The following CDK14 variants were observed in gnomAD, a reference collection of about 807,000 sequenced individuals.
CDK14 encodes the protein cyclin-dependent kinase 14.
CDK14 carries 34 observed loss-of-function variants against 60.7 expected under a neutral mutation model. That is an observed-to-expected ratio of 0.56 (90% CI 0.43 to 0.75). CDK14 has a LOEUF of 0.75. CDK14 is among the 30% of genes least tolerant of loss of function. The probability of loss-of-function intolerance (pLI) is 0.00; values close to 1 mark genes in which losing one functional copy is unlikely to be tolerated. For synonymous variants in CDK14, 197 were observed against 203.7 expected, an observed-to-expected ratio of 0.97 and a Z score of 0.28; for missense variants, 482 against 564.1, an observed-to-expected ratio of 0.85 and a Z score of 1.47.
chr7:91,157,878 C>A (rs2724356), intron 14 of CDK14, among the ~76,000 whole-genome samples: 135,425 of 152,000 alleles, frequency 0.89, 60,484 homozygotes, highest in East Asian at 0.96. Flanking sequence ...CATCCAGTGC[C>A]GAGTCCCACT....
intron 2 of CDK14, among the ~76,000 whole-genome samples, chr7:90,667,492 A>G (rs1801006799): frequency 6.6e-6 from 1 of 151,814 alleles, no homozygotes; most frequent in Non-Finnish European, 1.5e-5. Context: ...CCTCTTCTGG[A>G]CACTATGTGG....
intron 2 of CDK14, among the ~76,000 whole-genome samples, chr7:90,637,291 TACAC>T (rs1800177225): frequency 6.6e-6 from 1 of 151,848 alleles, no homozygotes; most frequent in African/African-American, 2.4e-5. Context: ...AATTTCCCTC[TACAC>T]ACTGCTTTGA....
chr7:90,857,734 A>G (rs976656870), intron 5 of CDK14, among the ~76,000 whole-genome samples: 1 of 152,188 alleles, frequency 6.6e-6, no homozygotes, highest in Non-Finnish European at 1.5e-5. Context: ...TGGCTCTAGA[A>G]CTTGTAGGTG....
chr7:90,792,970 G>A (rs1481736264), intron 5 of CDK14, among the ~76,000 whole-genome samples: 1 of 152,178 alleles, frequency 6.6e-6, no homozygotes, highest in Non-Finnish European at 1.5e-5. Context: ...CCATTTCAGA[G>A]AGAGTTTCTT....
chr7:90,997,292 C>T (rs1795714269), intron 10 of CDK14, among the ~76,000 whole-genome samples: 1 of 152,140 alleles, frequency 6.6e-6, no homozygotes, highest in Admixed American at 6.5e-5. Context: ...CCTGACATGG[C>T]TTAGATATTG....
intron 2 of CDK14, among the ~76,000 whole-genome samples, chr7:90,693,000 ATG>A (rs1801586645): frequency 6.6e-6 from 1 of 151,814 alleles, no homozygotes; most frequent in African/African-American, 2.4e-5. Context: ...AGCTTGTGGG[ATG>A]TACTAGGAAA....
Position 90,903,283 on chromosome 7 carries a change from T to C in CDK14, c.702+3930T>C, listed in dbSNP as rs550919996. 1.1e-3 allele frequency among the ~76,000 whole-genome samples: 162 copies of C among 152,120 alleles called. 1 individual carries two copies. Among genetic ancestry groups the C allele is most frequent in the Non-Finnish European group, 1.9e-3 (132 of 68,012 alleles). ...CACCACCATGTTCATTGAAGCACTA[T>C]TCACAATAGCAAAGATATGGAATCA... On this transcript the variant is annotated intron_variant, in intron 7 of 14. Coordinates refer to ENST00000380050, the MANE Select transcript of CDK14 (RefSeq NM_001287135.2).
At chr7:90,601,523 C>G (rs1799312363) in intron 1 of CDK14, among the ~76,000 whole-genome samples, 1 of 152,186 alleles carries the variant, frequency 6.6e-6, no homozygotes, top group South Asian at 2.1e-4. Flanking sequence ...GATAATCTGG[C>G]TTCCTGTTCA....
chr7:90,891,724 C>A (rs1292817513), intron 6 of CDK14, among the ~76,000 whole-genome samples: 1 of 152,194 alleles, frequency 6.6e-6, no homozygotes, highest in East Asian at 1.9e-4. Context: ...ATGCTATTTT[C>A]AATGTCACAT....
At chr7:91,201,539 A>AG (rs1194306627) in intron 14 of CDK14, among the ~76,000 whole-genome samples, 1 of 152,082 alleles carries the variant, frequency 6.6e-6, no homozygotes, top group Non-Finnish European at 1.5e-5. Context: ...GAAAAAAAAA[A>AG]AACAACAAAA....
rs1791064092 is a variant in CDK14 at position 90,863,212 on chromosome 7, G to T, written c.582G>T (p.Val194=). The change falls in exon 6 of 15, where the codon GTG becomes GTT. Residue 194 remains valine, a synonymous_variant. Coordinates refer to ENST00000380050, the MANE Select transcript of CDK14 (RefSeq NM_001287135.2). ...LLKGLKHANI[V]LLHDIIHTKE... ...AAGGACTAAAACATGCTAACATAGTGCTACTTCATGACATCATCCATACCA... is the reference window on the plus strand; with the variant it reads ...AAGGACTAAAACATGCTAACATAGTTCTACTTCATGACATCATCCATACCA... The T allele has an allele frequency of 1.9e-6, 3 of 1,609,954 alleles. No individual in the cohort carries two copies. The highest frequency in any genetic ancestry group is 2.5e-6 in the Non-Finnish European group (3 of 1,177,052).
intron 4 of CDK14, among the ~76,000 whole-genome samples, chr7:90,773,838 T>G (rs1489071048): frequency 7.1e-6 from 1 of 141,462 alleles, no homozygotes; most frequent in Non-Finnish European, 1.5e-5. Context: ...ATAGGTCTTC[T>G]CTTCCCTCCT....
At chr7:91,128,445 A>G (rs1441929904) in intron 14 of CDK14, among the ~76,000 whole-genome samples, 1 of 152,198 alleles carries the variant, frequency 6.6e-6, no homozygotes, top group Non-Finnish European at 1.5e-5. Context: ...TGTGTGGTCC[A>G]GAAGCTGGCC....
At chr7:90,889,260 A>T (rs1792042457) in intron 6 of CDK14, among the ~76,000 whole-genome samples, 1 of 152,238 alleles carries the variant, frequency 6.6e-6, no homozygotes. Flanking sequence ...CTTTTATCAG[A>T]GAAGAATAGT....
chr7:90,773,691 T>C (rs145302956), intron 4 of CDK14, among the ~76,000 whole-genome samples: 61 of 152,110 alleles, frequency 4.0e-4, no homozygotes, highest in East Asian at 3.3e-3. Flanking sequence ...AATTAAAGAC[T>C]GTTATCTTGA....
intron 14 of CDK14, among the ~76,000 whole-genome samples, chr7:91,161,272 T>C (rs1801161073): frequency 6.6e-6 from 1 of 152,124 alleles, no homozygotes; most frequent in Non-Finnish European, 1.5e-5. Context: ...GAATCAGTGG[T>C]GGGACAGCCA....
chr7:90,702,473 T>C (rs1012374295), intron 2 of CDK14, among the ~76,000 whole-genome samples: 2 of 152,122 alleles, frequency 1.3e-5, no homozygotes, highest in African/African-American at 2.4e-5. Context: ...CTTTCTGTTA[T>C]TGAAGAGCGA....
chr7:90,768,958 T>G (rs1043502695), intron 4 of CDK14, among the ~76,000 whole-genome samples: 1 of 152,212 alleles, frequency 6.6e-6, no homozygotes, highest in African/African-American at 2.4e-5. Context: ...ATAGCTACAT[T>G]CCAGGCTTTT....
chr7:90,811,383 A>G (rs1789104414), intron 5 of CDK14, among the ~76,000 whole-genome samples: 1 of 152,084 alleles, frequency 6.6e-6, no homozygotes, highest in South Asian at 2.1e-4. Flanking sequence ...TCCCTATTTA[A>G]TAAATGGTGC....
Sources: gnomAD v4.1 joint callset for allele counts (sites outside exome capture counted in the v4.1 genomes callset) on GRCh38, gnomAD v4.1.1 for gene constraint, MANE v1.5 for transcripts, NCBI Gene and HGNC (gene_info 2026-07-23, HGNC 2026-07-21) for gene names.